Variants in ZBTB20 observed in about 807,000 individuals in gnomAD.
ZBTB20 encodes the protein zinc finger and BTB domain-containing protein 20.
ZBTB20 carries 9 observed loss-of-function variants against 56.9 expected under a neutral mutation model. The observed-to-expected ratio is 0.16, with a 90% CI of 0.10 to 0.28. The LOEUF is 0.28. Among genes scored for constraint, ZBTB20 ranks in the 10% least tolerant of loss-of-function variants. The pLI, the probability that ZBTB20 is intolerant of heterozygous loss-of-function variation, is 1.00. For missense variants in ZBTB20, 655 were observed against 1,003.0 expected (o/e 0.65, Z 4.69); for synonymous variants, 417 against 420.7 (o/e 0.99, Z 0.11).
intron 2 of ZBTB20, among the ~76,000 whole-genome samples, chr3:114,999,785 C>T (rs1246895969): frequency 6.6e-6 from 1 of 151,642 alleles, no homozygotes; most frequent in Non-Finnish European, 1.5e-5. Flanking sequence ...TGTTTTTTAA[C>T]TGCCTCTATA....
At chr3:115,093,817 C>A (rs956429259) in intron 1 of ZBTB20, among the ~76,000 whole-genome samples, 1 of 152,124 alleles carries the variant, frequency 6.6e-6, no homozygotes, top group Non-Finnish European at 1.5e-5. Context: ...ACTTTTTCTT[C>A]TATGATCTTC....
At chr3:114,532,026 C>T (rs774857000) in intron 6 of ZBTB20, among the ~76,000 whole-genome samples, 9 of 152,156 alleles carry the variant, frequency 5.9e-5, no homozygotes, top group African/African-American at 9.7e-5. Flanking sequence ...GCCTACACCA[C>T]GAGGGCCCTG....
intron 7 of ZBTB20, among the ~76,000 whole-genome samples, chr3:114,489,886 C>T (rs2042545038): frequency 6.6e-6 from 1 of 152,146 alleles, no homozygotes; most frequent in South Asian, 2.1e-4. Flanking sequence ...ACGGCCACCA[C>T]CTCTTTCTAA....
chr3:114,777,874 A>C (rs2108762932), intron 5 of ZBTB20, among the ~76,000 whole-genome samples: 1 of 152,192 alleles, frequency 6.6e-6, no homozygotes, highest in East Asian at 1.9e-4. Context: ...GATTGGATTA[A>C]GAAAATGTGG....
chr3:114,925,096 G>T (rs1421751881), intron 3 of ZBTB20, among the ~76,000 whole-genome samples: 10 of 148,468 alleles, frequency 6.7e-5, no homozygotes, highest in Non-Finnish European at 4.4e-5. Context: ...CAATTCTCCT[G>T]CCTCAGCCTC....
At chr3:114,649,856 G>T (rs2060038780) in intron 6 of ZBTB20, among the ~76,000 whole-genome samples, 1 of 151,818 alleles carries the variant, frequency 6.6e-6, no homozygotes, top group Non-Finnish European at 1.5e-5. Flanking sequence ...CCCTTTAAAA[G>T]CAGTCATAAG....
intron 4 of ZBTB20, among the ~76,000 whole-genome samples, chr3:114,826,505 C>T (rs903918865): frequency 3.3e-5 from 5 of 151,730 alleles, no homozygotes; most frequent in African/African-American, 1.2e-4. Context: ...TCACCGAATC[C>T]TTCCATGAAC....
chr3:114,655,750 T>A (rs1165073419), intron 6 of ZBTB20, among the ~76,000 whole-genome samples: 2 of 152,232 alleles, frequency 1.3e-5, no homozygotes, highest in Non-Finnish European at 2.9e-5. Flanking sequence ...AAGTATAATT[T>A]CATTTACTGC....
At chr3:114,954,253 C>T (rs116142473) in intron 3 of ZBTB20, among the ~76,000 whole-genome samples, 15 of 152,100 alleles carry the variant, frequency 9.9e-5, no homozygotes, top group East Asian at 5.8e-4. Context: ...ATAAAAGGTA[C>T]GTGGTACTTG....
At chr3:114,584,004 A>G (rs964066649) in intron 6 of ZBTB20, among the ~76,000 whole-genome samples, 1 of 152,234 alleles carries the variant, frequency 6.6e-6, no homozygotes, top group African/African-American at 2.4e-5. Context: ...ACATTTCTAA[A>G]GTGAGTGTGA....
At chr3:114,560,871 T>C (rs1312276046) in intron 6 of ZBTB20, among the ~76,000 whole-genome samples, 1 of 152,212 alleles carries the variant, frequency 6.6e-6, no homozygotes. Context: ...CAGCAGGTGA[T>C]GCTGTTTGAT....
At position 114,837,667 on chromosome 3, in the gene ZBTB20, C is replaced by T. The variant is rs1377999409; in HGVS notation, c.-416-36493G>A. On this transcript the variant is annotated intron_variant, in intron 4 of 11. Coordinates refer to ENST00000675478, the MANE Select transcript of ZBTB20 (RefSeq NM_001348800.3). Reference sequence around the variant, plus strand: ...TCCGGGAGAGAGTGATAGAGGGACTCAAGAGAAAAACCACAAGCTTTTTAA... The same window carrying T: ...TCCGGGAGAGAGTGATAGAGGGACTTAAGAGAAAAACCACAAGCTTTTTAA... Among the ~76,000 whole-genome samples the T allele has an allele frequency of 2.0e-5, 3 of 152,014 alleles. No homozygotes were observed. The East Asian group carries it at 5.8e-4, about 29-fold the overall frequency.
intron 5 of ZBTB20, among the ~76,000 whole-genome samples, chr3:114,711,128 T>C (rs1268526332): frequency 6.6e-6 from 1 of 152,218 alleles, no homozygotes; most frequent in East Asian, 1.9e-4. Flanking sequence ...CTAAATTATA[T>C]ATCCCTATTT....
At chr3:114,950,160 G>A (rs2077016904) in intron 3 of ZBTB20, among the ~76,000 whole-genome samples, 1 of 152,044 alleles carries the variant, frequency 6.6e-6, no homozygotes, top group Admixed American at 6.6e-5. Flanking sequence ...TATCCATGGG[G>A]AATACACTCC....
At chr3:114,919,328 A>G (rs1047678116) in intron 3 of ZBTB20, among the ~76,000 whole-genome samples, 11 of 152,188 alleles carry the variant, frequency 7.2e-5, no homozygotes, top group African/African-American at 2.7e-4. Flanking sequence ...AACCTCTAGT[A>G]GACACAAAAA....
At chr3:114,966,997 G>C (rs1321413052) in intron 3 of ZBTB20, among the ~76,000 whole-genome samples, 1 of 152,050 alleles carries the variant, frequency 6.6e-6, no homozygotes, top group Admixed American at 6.6e-5. Flanking sequence ...TTAACTTTCT[G>C]TTATGAAACA....
intron 2 of ZBTB20, among the ~76,000 whole-genome samples, chr3:115,061,702 T>A (rs1001026560): frequency 1.3e-5 from 2 of 152,158 alleles, no homozygotes; most frequent in Non-Finnish European, 2.9e-5. Context: ...AAGAGTAAAT[T>A]AGAGTGTTCT....
At chr3:114,504,581 G>A (rs2044384476) in intron 6 of ZBTB20, among the ~76,000 whole-genome samples, 1 of 152,162 alleles carries the variant, frequency 6.6e-6, no homozygotes, top group African/African-American at 2.4e-5. Context: ...ACTTCCGGTT[G>A]AGTGAAACAA....
chr3:114,897,593 T>A (rs1401485838), intron 4 of ZBTB20, among the ~76,000 whole-genome samples: 2 of 152,094 alleles, frequency 1.3e-5, no homozygotes, highest in Non-Finnish European at 2.9e-5. Context: ...CTGTCTAGTT[T>A]AATGATTAAT....
Sources: allele counts gnomAD v4.1 joint callset (sites outside exome capture counted in the v4.1 genomes callset), GRCh38; gene constraint gnomAD v4.1.1; transcripts MANE v1.5; gene names NCBI Gene and HGNC (gene_info 2026-07-23, HGNC 2026-07-21).